RBM28: variants seen among roughly 807,000 people sequenced by gnomAD.
RBM28 encodes RNA-binding protein 28.
A neutral mutation model predicts 98.3 loss-of-function variants in RBM28; 78 were observed. The observed-to-expected ratio is 0.79, with a 90% CI of 0.66 to 0.96. The LOEUF (loss-of-function observed/expected upper bound fraction) is 0.96, where lower values mean the gene tolerates loss of function less well. Ranked by LOEUF, RBM28 falls within the 40% of genes least tolerant of loss-of-function variation. The pLI, the probability that RBM28 is intolerant of heterozygous loss-of-function variation, is 0.00. For missense variants in RBM28, 838 were observed against 913.0 expected (o/e 0.92, Z 1.06); for synonymous variants, 306 against 330.9 (o/e 0.92, Z 0.82).
chr7:128,335,663 C>G lies in RBM28; in HGVS notation c.826G>C (p.Ala276Pro). The G allele has an allele frequency of 1.9e-6, 3 of 1,614,180 alleles. No individual in the cohort carries two copies. The part of the protein sequence containing the change: ...QIQKRAVKRP[A>P]PAKSSDHSEE... ...GAATGATCACTGCTTTTTGCAGGGG[C>G]TGGTCTCTTGACTGCTCTGCAATGG... The change falls in exon 8 of 19, where the codon GCC becomes CCC. Residue 276 changes from alanine (A) to proline (P), a missense_variant. By Grantham distance (27) the Ala-to-Pro change is conservative. Transcript: ENST00000223073.
intron 3 of RBM28, 81 bp from the exon 4 acceptor site, chr7:128,338,882 AT>A: frequency 1.0e-6 from 1 of 994,708 alleles, no homozygotes; most frequent in East Asian, 2.4e-5. Flanking sequence ...AAATTCATTA[AT>A]TATGAAAAAC....
intron 13 of RBM28, among the ~76,000 whole-genome samples, chr7:128,323,140 C>T (rs186395136): frequency 1.2e-4 from 19 of 152,308 alleles, no homozygotes; most frequent in Middle Eastern, 3.4e-3. Context: ...CATATCTTCT[C>T]CCTTCTCTAA....
rs1179835536 is a variant in RBM28, at chr7:128,333,283, G to A, written c.1019+7C>T. On this transcript the variant is annotated splice_region_variant and intron_variant, in intron 9 of 18. Coordinates refer to ENST00000223073, the MANE Select transcript of RBM28 (RefSeq NM_018077.3). Reference sequence around the variant, plus strand: ...GCAAAAGCAATTCTGGAGGCAGAAAGACATACCTGATAAAAACAGTTTTCC... The same window carrying A: ...GCAAAAGCAATTCTGGAGGCAGAAAAACATACCTGATAAAAACAGTTTTCC... 3 of 1,577,774 alleles carry A rather than the reference G, an allele frequency of 1.9e-6. No individual in the cohort carries two copies. The Admixed American group carries it at 5.0e-5, about 26-fold the overall frequency.
intron 4 of RBM28, among the ~76,000 whole-genome samples, 161 bp from the exon 5 acceptor site, chr7:128,338,503 C>T (rs914669017): frequency 5.3e-5 from 8 of 152,254 alleles, no homozygotes; most frequent in Non-Finnish European, 1.0e-4. Flanking sequence ...ACTGAGTATA[C>T]TCTGACTTGG....
rs753933509 is a variant in RBM28, at chr7:128,339,340, T to C, written c.278-19A>G. ...GAGTTTTCTAAAAAATAAGAGGTAA[T>C]GGAATAAGTACTCGAAAATCACCCA... On this transcript the variant is annotated intron_variant, in intron 2 of 18. Coordinates refer to ENST00000223073, the MANE Select transcript of RBM28 (RefSeq NM_018077.3). 1.9e-5 allele frequency: 30 copies of C among 1,567,816 alleles called. No homozygotes were observed. Among genetic ancestry groups the C allele is most frequent in the Non-Finnish European group, 2.5e-5 (29 of 1,141,106 alleles).
At chr7:128,324,749 C>A in intron 11 of RBM28, 55 bp from the exon 12 acceptor site, 1 of 1,611,896 alleles carries the variant, frequency 6.2e-7, no homozygotes, top group South Asian at 1.1e-5. Context: ...CACAGTGGCT[C>A]ACACCTGTAA....
chr7:128,330,652 G>A (rs891267897), intron 10 of RBM28, among the ~76,000 whole-genome samples, 167 bp downstream of exon 10: 4 of 152,240 alleles, frequency 2.6e-5, no homozygotes, highest in African/African-American at 2.4e-5. Flanking sequence ...GATTACAGGC[G>A]TGAGCCAGCG....
chr7:128,324,762 C>A, intron 11 of RBM28, 68 bp from the exon 12 acceptor site: 1 of 1,607,344 alleles, frequency 6.2e-7, no homozygotes, highest in South Asian at 1.1e-5. Flanking sequence ...ACCTGTAAAC[C>A]GAGCACTTTG....
In RBM28 at chr7:128,335,628, GTCC is replaced by G. The variant is rs1362306014; in HGVS notation, c.858_860del (p.Glu286del). 1.9e-6 allele frequency: 3 copies of G among 1,614,002 alleles called. No homozygotes were observed. Among genetic ancestry groups the G allele is most frequent in the Admixed American group, 3.3e-5 (2 of 60,000 alleles). On this transcript the variant is annotated inframe_deletion, in exon 8 of 19. Transcript: ENST00000223073. ...TACTATCGCTTTCCTCTAGGTCACT[GTCC>G]TCCTCAGAATGATCACTGCTTTTTG... is the stretch of plus-strand genomic sequence containing the variant.
intron 15 of RBM28, 41 bp downstream of exon 15, chr7:128,317,916 T>C: frequency 1.2e-6 from 2 of 1,610,324 alleles, no homozygotes; most frequent in East Asian, 2.2e-5. Flanking sequence ...TTCCTGCAAG[T>C]GGTCCTAAGG....
chr7:128,325,029 A>T (rs1796317880), intron 11 of RBM28, among the ~76,000 whole-genome samples: 1 of 152,108 alleles, frequency 6.6e-6, no homozygotes, highest in Non-Finnish European at 1.5e-5. Context: ...AAAATAAAAT[A>T]AAAAAATAAC....
At chr7:128,314,049 G>A (rs1027685502) in intron 17 of RBM28, among the ~76,000 whole-genome samples, 1 of 151,650 alleles carries the variant, frequency 6.6e-6, no homozygotes, top group African/African-American at 2.4e-5. Flanking sequence ...TGCAAGCTCC[G>A]CCTCCCGGGT....
In RBM28 at chr7:128,310,615, G is replaced by C. The variant is rs1201260064; in HGVS notation, c.*182C>G. 1 of 691,264 alleles carries C rather than the reference G, an allele frequency of 1.4e-6. No homozygotes were observed. Among genetic ancestry groups the C allele is most frequent in the Non-Finnish European group, 2.5e-6 (1 of 399,598 alleles). 42.8% of individuals were successfully genotyped at this position (691,264 alleles called of 1,614,324 possible). A position where few individuals can be genotyped will look rare whatever the true frequency, so the allele number is the denominator to read the frequency against. On this transcript the variant is annotated 3_prime_UTR_variant, in exon 19 of 19. Coordinates refer to ENST00000223073, the MANE Select transcript of RBM28 (RefSeq NM_018077.3). ...TCAGATATTTCTCTTTGTGGCTAACGAACCACACATCAAAGGATGGACCAA... is the reference window on the plus strand; with the variant it reads ...TCAGATATTTCTCTTTGTGGCTAACCAACCACACATCAAAGGATGGACCAA...
chr7:128,326,855 G>A (rs1796363700), intron 10 of RBM28, among the ~76,000 whole-genome samples: 1 of 152,124 alleles, frequency 6.6e-6, no homozygotes, highest in South Asian at 2.1e-4. Flanking sequence ...ATATCCATGT[G>A]AAGGCTGGGT....
chr7:128,328,650 TAA>T (rs1008341161), intron 10 of RBM28, among the ~76,000 whole-genome samples: 3 of 152,256 alleles, frequency 2.0e-5, no homozygotes, highest in African/African-American at 7.2e-5. Flanking sequence ...ACTACTGCAC[TAA>T]AAAAGAGACA....
intron 13 of RBM28, among the ~76,000 whole-genome samples, chr7:128,322,949 G>C (rs1796268452): frequency 1.3e-5 from 2 of 152,062 alleles, no homozygotes; most frequent in Admixed American, 6.6e-5. Flanking sequence ...AGGCTGGCTT[G>C]GCTTTTTGAA....
intron 6 of RBM28, 69 bp downstream of exon 6, chr7:128,337,062 A>G (rs1049709783): frequency 7.4e-6 from 11 of 1,486,224 alleles, no homozygotes; most frequent in Admixed American, 1.7e-5. Flanking sequence ...TCATGAACAC[A>G]GGAGTTGTTT....
chr7:128,335,761 G>T, intron 7 of RBM28, 82 bp from the exon 8 acceptor site: 2 of 1,613,178 alleles, frequency 1.2e-6, no homozygotes, highest in Non-Finnish European at 1.7e-6. Flanking sequence ...ATTCTGCAAT[G>T]ATGCAGGCAG....
rs1281589975 is a variant in RBM28 at position 128,302,712 on chromosome 7, GATTA to G, written c.*8081_*8084del. ...AAAAACAACTACAAAAATATGTAATGATTAGTTAGTCCAGGGGTAGCAGGAAAAG... is the reference window on the plus strand; with the variant it reads ...AAAAACAACTACAAAAATATGTAATGGTTAGTCCAGGGGTAGCAGGAAAAG... On this transcript the variant is annotated 3_prime_UTR_variant, in exon 19 of 19. Coordinates refer to ENST00000223073, the MANE Select transcript of RBM28 (RefSeq NM_018077.3). 6.6e-6 allele frequency: 1 copy of G among 152,206 alleles called. No individual in the cohort carries two copies. The highest frequency in any genetic ancestry group is 1.5e-5 in the Non-Finnish European group (1 of 68,060). 9.4% of individuals were successfully genotyped at this position (152,206 alleles called of 1,614,324 possible). A position where few individuals can be genotyped will look rare whatever the true frequency, so the allele number is the denominator to read the frequency against.
Sources: allele counts gnomAD v4.1 joint callset (sites outside exome capture counted in the v4.1 genomes callset), GRCh38; gene constraint gnomAD v4.1.1; transcripts MANE v1.5; gene names NCBI Gene and HGNC (gene_info 2026-07-23, HGNC 2026-07-21).